Variants in FAM83B observed in about 807,000 individuals in gnomAD.
FAM83B encodes the protein scaffolding CK1 anchoring protein B.
FAM83B carries 26 observed loss-of-function variants against 38.8 expected under a neutral mutation model. That is an observed-to-expected ratio of 0.67 (90% CI 0.49 to 0.93). The LOEUF (loss-of-function observed/expected upper bound fraction) is 0.93. Ranked by LOEUF, FAM83B falls within the 40% of genes least tolerant of loss-of-function variation. The pLI is 0.00. For missense variants in FAM83B, 1,237 were observed against 1,197.3 expected, an observed-to-expected ratio of 1.03 and a Z score of -0.49; for synonymous variants, 419 against 423.1, an observed-to-expected ratio of 0.99 and a Z score of 0.12.
intron 2 of FAM83B, among the ~76,000 whole-genome samples, chr6:54,897,431 A>T (rs1772562912): frequency 6.6e-6 from 1 of 152,162 alleles, no homozygotes; most frequent in Admixed American, 6.5e-5. Flanking sequence ...CTTATATATC[A>T]TTTTATTCTC....
intron 2 of FAM83B, among the ~76,000 whole-genome samples, chr6:54,925,043 C>G (rs1200137821): frequency 6.6e-6 from 1 of 152,144 alleles, no homozygotes. Context: ...GATAACTCTC[C>G]CATTCTCATT....
At position 54,940,476 on chromosome 6, in the gene FAM83B, A is replaced by T; in HGVS notation, c.1505A>T (p.Asn502Ile). 6.2e-7 allele frequency: 1 copy of T among 1,614,024 alleles called. No homozygotes were observed. The highest frequency in any genetic ancestry group is 8.5e-7 in the Non-Finnish European group (1 of 1,179,952). Residue 502 changes from asparagine to isoleucine, a missense_variant, in exon 5 of 5, where the codon AAT becomes ATT. Asn to Ile is a moderately radical substitution (Grantham distance 149, BLOSUM62 -3). Transcript: ENST00000306858. ...LRNWRIESYL[N>I]DHSEATPDSN... ...AACTGGAGAATTGAATCCTACTTAA[A>T]TGATCATTCAGAAGCTACACCGGAC...
At chr6:54,923,882 C>T (rs201879310) in intron 2 of FAM83B, among the ~76,000 whole-genome samples, 47 of 145,226 alleles carry the variant, frequency 3.2e-4, no homozygotes, top group Admixed American at 4.1e-4. Context: ...TTTTTTTTAA[C>T]TTTTGCACTA....
intron 2 of FAM83B, among the ~76,000 whole-genome samples, chr6:54,922,806 A>G (rs1379304505): frequency 6.6e-6 from 1 of 152,046 alleles, no homozygotes; most frequent in African/African-American, 2.4e-5. Context: ...TCATCTTCTA[A>G]GGTATTCACA....
At position 54,870,538 on chromosome 6, in the gene FAM83B, G is replaced by T. The variant is rs1581890269; in HGVS notation, c.292G>T (p.Asp98Tyr). The change falls in exon 2 of 5, where the codon GAT becomes TAT. Residue 98 changes from aspartate to tyrosine, a missense_variant. Transcript: ENST00000306858. ...AGGGACCTACTGGCCTGTTGAGTCT[G>T]ATGTGGAAGCTCCAAATCTTGACTT... ...SSGTYWPVES[D>Y]VEAPNLDLGW... 1 of 1,614,104 alleles carries T rather than the reference G, an allele frequency of 6.2e-7. No individual in the cohort carries two copies. The highest frequency in any genetic ancestry group is 8.5e-7 in the Non-Finnish European group (1 of 1,179,990).
At chr6:54,902,085 A>G (rs559051992) in intron 2 of FAM83B, among the ~76,000 whole-genome samples, 3 of 152,202 alleles carry the variant, frequency 2.0e-5, no homozygotes, top group South Asian at 4.1e-4. Flanking sequence ...ATTATTTCCT[A>G]TATCTCAATG....
At position 54,939,966 on chromosome 6, in the gene FAM83B, T is replaced by G; in HGVS notation, c.995T>G (p.Leu332Arg). The G allele has an allele frequency of 6.2e-7, 1 of 1,614,064 alleles. No individual in the cohort carries two copies. The highest frequency in any genetic ancestry group is 8.5e-7 in the Non-Finnish European group (1 of 1,180,000). The change falls in exon 5 of 5, where the codon CTA becomes CGA. Residue 332 changes from leucine to arginine, a missense_variant. Leu to Arg is a moderately radical substitution (Grantham distance 102, BLOSUM62 -2). Coordinates refer to ENST00000306858, the MANE Select transcript of FAM83B (RefSeq NM_001010872.3). ...GGTAGACAAGACAAGATTCATAAAC[T>G]AGATTCCAGTTACTTCAAAAACAGA... ...LFGRQDKIHK[L>R]DSSYFKNRGI...
At chr6:54,893,912 C>A (rs1772461198) in intron 2 of FAM83B, among the ~76,000 whole-genome samples, 1 of 152,106 alleles carries the variant, frequency 6.6e-6, no homozygotes, top group African/African-American at 2.4e-5. Context: ...CTACTTCTGT[C>A]CATTTTGGAA....
chr6:54,917,515 T>C (rs1773073461), intron 2 of FAM83B, among the ~76,000 whole-genome samples: 1 of 152,130 alleles, frequency 6.6e-6, no homozygotes, highest in Non-Finnish European at 1.5e-5. Flanking sequence ...TCATGATTGG[T>C]GAAAATAACA....
At position 54,940,615 on chromosome 6, in the gene FAM83B, C is replaced by G; in HGVS notation, c.1644C>G (p.Pro548=). 2 of 1,614,032 alleles carry G rather than the reference C, an allele frequency of 1.2e-6. No individual in the cohort carries two copies. Among genetic ancestry groups the G allele is most frequent in the Non-Finnish European group, 1.7e-6 (2 of 1,180,016 alleles). The change falls in exon 5 of 5, where the codon CCC becomes CCG. Residue 548 remains proline (P), a synonymous_variant. Coordinates refer to ENST00000306858, the MANE Select transcript of FAM83B (RefSeq NM_001010872.3). ...SRLRSSLVFK[P]TLPEQKEVNS... is the part of the protein sequence containing the mutation. ...TTCGTTCCTCTTTAGTATTTAAACCCACTTTACCTGAGCAAAAGGAAGTTA... is the reference window on the plus strand; with the variant it reads ...TTCGTTCCTCTTTAGTATTTAAACCGACTTTACCTGAGCAAAAGGAAGTTA...
chr6:54,907,407 A>T, intron 2 of FAM83B, among the ~76,000 whole-genome samples: 1 of 75,806 alleles, frequency 1.3e-5, no homozygotes. Flanking sequence ...GTTAAAAAAA[A>T]TTCAGTGAGT....
At chr6:54,876,278 CATATATATATATATATATATATAT>C (rs3996949) in intron 2 of FAM83B, among the ~76,000 whole-genome samples, 34,717 of 96,638 alleles carry the variant, frequency 0.36, 4,860 homozygotes, top group East Asian at 0.67. Flanking sequence ...TTTAGGAGTG[CATATATATATATATATATATATAT>C]ATATATATAT....
At chr6:54,918,170 C>T (rs1319163115) in intron 2 of FAM83B, among the ~76,000 whole-genome samples, 1 of 152,088 alleles carries the variant, frequency 6.6e-6, no homozygotes, top group East Asian at 1.9e-4. Context: ...CTATAACATA[C>T]ACTTTGAAAA....
intron 1 of FAM83B, among the ~76,000 whole-genome samples, chr6:54,853,032 G>T (rs573649134): frequency 6.6e-6 from 1 of 152,122 alleles, no homozygotes; most frequent in East Asian, 1.9e-4. Context: ...GAAGCCAAAA[G>T]ATTAGACACC....
intron 2 of FAM83B, among the ~76,000 whole-genome samples, chr6:54,886,497 G>A (rs780879888): frequency 1.3e-5 from 2 of 151,760 alleles, no homozygotes; most frequent in East Asian, 3.9e-4. Flanking sequence ...TCTTGTATTT[G>A]TTTTGTTTTT....
chr6:54,933,663 C>T (rs896842129), intron 4 of FAM83B, among the ~76,000 whole-genome samples: 5 of 152,064 alleles, frequency 3.3e-5, no homozygotes, highest in Non-Finnish European at 1.5e-5. Context: ...CCATTCAGCC[C>T]AGCCACAGAT....
chr6:54,870,457 G>T lies in FAM83B; in HGVS notation c.211G>T (p.Val71Phe), dbSNP rs1333653079. The T allele has an allele frequency of 2.5e-6, 4 of 1,613,890 alleles. No individual in the cohort carries two copies. The Admixed American group carries it at 5.0e-5, about 20-fold the overall frequency. Residue 71 changes from valine (V) to phenylalanine (F), a missense_variant, in exon 2 of 5, where the codon GTT (valine) becomes TTT (phenylalanine). Transcript: ENST00000306858. ...TTATATTTTGAAAAATGTCCAGAAA[G>T]TTGCACAAAGCACAGCACATGGTAC... ...INYILKNVQK[V>F]AQSTAHGTDD... is the part of the protein sequence containing the mutation.
intron 4 of FAM83B, among the ~76,000 whole-genome samples, chr6:54,938,406 T>A (rs940683445): frequency 2.6e-5 from 4 of 152,204 alleles, no homozygotes; most frequent in Non-Finnish European, 5.9e-5. Context: ...CTGGATTGAA[T>A]GGCAGTTCTA....
Position 54,939,802 on chromosome 6 carries a change from T to C in FAM83B, c.831T>C (p.Tyr277=). 6.2e-7 allele frequency: 1 copy of C among 1,614,018 alleles called. No homozygotes were observed. Residue 277 remains tyrosine, a synonymous_variant, in exon 5 of 5, where the codon TAT becomes TAC. Coordinates refer to ENST00000306858, the MANE Select transcript of FAM83B (RefSeq NM_001010872.3). ...ESFDEEFRTL[Y]ARSCVPSSFA... is the part of the protein sequence containing the mutation. The stretch of plus-strand genomic sequence containing the variant: ...TTGATGAAGAATTTAGAACTCTCTA[T>C]GCCAGATCCTGTGTCCCTAGTTCAT...
Sources: gnomAD v4.1 joint callset for allele counts (sites outside exome capture counted in the v4.1 genomes callset) on GRCh38, gnomAD v4.1.1 for gene constraint, MANE v1.5 for transcripts, NCBI Gene and HGNC (gene_info 2026-07-23, HGNC 2026-07-21) for gene names.